The following SNX29 variants were observed in gnomAD, a reference collection of about 807,000 sequenced individuals.
The protein encoded by SNX29 is sorting nexin-29.
SNX29 carries 78 observed loss-of-function variants against 102.1 expected under a neutral mutation model. The observed-to-expected ratio is 0.76, with a 90% CI of 0.64 to 0.92. The LOEUF is 0.92. SNX29 is among the 40% of genes least tolerant of loss of function. SNX29 has a pLI of 0.00. For synonymous variants in SNX29, 580 were observed against 414.5 expected, an observed-to-expected ratio of 1.40 and a Z score of -4.85; for missense variants, 1,280 against 1,061.7, an observed-to-expected ratio of 1.21 and a Z score of -2.86.
At position 12,390,157 on chromosome 16, in the gene SNX29, T is replaced by TGTGG. The variant is rs1277880372; in HGVS notation, c.1900-8286_1900-8285insGGTG. On this transcript the variant is annotated intron_variant, in intron 16 of 20. Coordinates refer to ENST00000566228, the MANE Select transcript of SNX29 (RefSeq NM_032167.5). ...CGTGCGTGCAATTGAGGGGTGTGTG[T>TGTGG]GTGTGTGTGTGTGTGTGTGTGTGTA... Among the ~76,000 whole-genome samples, 799 of 150,916 alleles carry TGTGG rather than the reference T, an allele frequency of 5.3e-3. 9 individuals are homozygous for TGTGG. The highest frequency in any genetic ancestry group is 0.019 in the African/African-American group (770 of 41,066).
intron 3 of SNX29, among the ~76,000 whole-genome samples, chr16:12,009,812 C>G (rs1337367085): frequency 6.6e-6 from 1 of 152,188 alleles, no homozygotes. Flanking sequence ...ATATTTTGCC[C>G]TCTAGAAATA....
In SNX29 at chr16:12,524,968, C is replaced by T. The variant is rs535180903; in HGVS notation, c.2318+127C>T. 5.6e-5 allele frequency: 75 copies of T among 1,338,314 alleles called. No homozygotes were observed. The African/African-American group carries it at 9.1e-4, about 16-fold the overall frequency. The allele number at this position is 1,338,314 out of a possible 1,614,324, so 82.9% of individuals were successfully genotyped here. On this transcript the variant is annotated intron_variant, in intron 20 of 20. Transcript: ENST00000566228. ...GATCGCCATGGGACCCAGGCGAACT[C>T]CAGGGGCTGTTCCAGGTGCCAAAGT...
At chr16:12,523,545 G>A (rs2090179850) in intron 19 of SNX29, among the ~76,000 whole-genome samples, 1 of 152,232 alleles carries the variant, frequency 6.6e-6, no homozygotes, top group Admixed American at 6.5e-5. Flanking sequence ...GATTGGCTAT[G>A]GAATGTGTGG....
chr16:11,985,560 C>T (rs561079958), intron 1 of SNX29, among the ~76,000 whole-genome samples: 1 of 152,326 alleles, frequency 6.6e-6, no homozygotes, highest in African/African-American at 2.4e-5. Flanking sequence ...CACAGGCAGC[C>T]GCTCCTCCAT....
At chr16:11,988,844 T>C (rs746463183) in intron 1 of SNX29, among the ~76,000 whole-genome samples, 2 of 152,238 alleles carry the variant, frequency 1.3e-5, no homozygotes, top group Non-Finnish European at 2.9e-5. Context: ...ATTCAATTAC[T>C]GTTATCTATG....
intron 11 of SNX29, among the ~76,000 whole-genome samples, chr16:12,090,713 C>T (rs2052483549): frequency 6.6e-6 from 1 of 152,150 alleles, no homozygotes; most frequent in South Asian, 2.1e-4. Flanking sequence ...GATTTTCCTT[C>T]AAAGAGTGCC....
chr16:12,013,370 A>G (rs2056718567), intron 3 of SNX29, among the ~76,000 whole-genome samples: 1 of 149,394 alleles, frequency 6.7e-6, no homozygotes, highest in Admixed American at 6.8e-5. Context: ...GTGGCCAGGC[A>G]CGGTGGTTCA....
intron 14 of SNX29, among the ~76,000 whole-genome samples, chr16:12,264,372 G>C (rs1327814511): frequency 6.6e-6 from 1 of 152,240 alleles, no homozygotes; most frequent in Non-Finnish European, 1.5e-5. Flanking sequence ...TCCCGAGGAA[G>C]GCTTTGTTCC....
At chr16:12,087,286 T>C (rs1167690725) in intron 11 of SNX29, 1 of 158,858 alleles carries the variant, frequency 6.3e-6, no homozygotes. Flanking sequence ...TAATCCCAGC[T>C]ACTCAGGAGG....
At chr16:12,341,065 G>A (rs980598063) in intron 15 of SNX29, among the ~76,000 whole-genome samples, 2 of 152,232 alleles carry the variant, frequency 1.3e-5, no homozygotes, top group Admixed American at 6.5e-5. Context: ...ATTGATAAAG[G>A]ACCAAGAAGA....
intron 18 of SNX29, among the ~76,000 whole-genome samples, chr16:12,435,288 T>C (rs2085487010): frequency 6.6e-6 from 1 of 152,204 alleles, no homozygotes; most frequent in Non-Finnish European, 1.5e-5. Flanking sequence ...ATAAAGGCAT[T>C]TTGCAGGGAC....
At chr16:12,349,896 AACTT>A (rs2081946764) in intron 15 of SNX29, among the ~76,000 whole-genome samples, 1 of 152,212 alleles carries the variant, frequency 6.6e-6, no homozygotes, top group Non-Finnish European at 1.5e-5. Flanking sequence ...TTTTTTAAAA[AACTT>A]TCAATTCATT....
chr16:12,017,397 G>C lies in SNX29; in HGVS notation c.123-9923G>C, dbSNP rs543481129. Among the ~76,000 whole-genome samples, 5 of 152,036 alleles carry C rather than the reference G, an allele frequency of 3.3e-5. No homozygotes were observed. The South Asian group carries it at 1.0e-3, about 32-fold the overall frequency. On this transcript the variant is annotated intron_variant, in intron 3 of 20. Transcript: ENST00000566228. ...TCACCTTCTGTGCTTTTTATTTTTT[G>C]AGTTGCTTGTCTTATCCATTTGTAG...
chr16:12,542,354 AAGTT>A (rs976505900), intron 20 of SNX29, among the ~76,000 whole-genome samples: 8 of 152,188 alleles, frequency 5.3e-5, no homozygotes, highest in Admixed American at 3.3e-4. Context: ...TCAAAAGAAA[AAGTT>A]AGACCCAAGT....
chr16:12,174,822 T>G (rs765166425), intron 13 of SNX29, among the ~76,000 whole-genome samples: 19 of 152,228 alleles, frequency 1.2e-4, no homozygotes, highest in Non-Finnish European at 2.5e-4. Context: ...TCTCCCCTCC[T>G]CTTAGTAATA....
intron 14 of SNX29, among the ~76,000 whole-genome samples, chr16:12,239,088 T>C (rs566474715): frequency 7.2e-5 from 11 of 152,302 alleles, no homozygotes; most frequent in African/African-American, 2.2e-4. Context: ...GGCACCACTT[T>C]GATGGAAGGG....
chr16:12,194,663 G>T (rs2076725993), intron 13 of SNX29, among the ~76,000 whole-genome samples: 1 of 142,594 alleles, frequency 7.0e-6, no homozygotes, highest in Admixed American at 7.3e-5. Flanking sequence ...CGCAGACTCT[G>T]TCACCTAGGC....
chr16:12,254,023 AGATGCCTCCAG>A (rs761291095), intron 14 of SNX29, among the ~76,000 whole-genome samples: 6 of 152,148 alleles, frequency 3.9e-5, no homozygotes, highest in Non-Finnish European at 7.4e-5. Context: ...GAGCAGTACC[AGATGCCTCCAG>A]GGCATTGTCC....
At chr16:12,236,776 C>T (rs1391960570) in intron 14 of SNX29, among the ~76,000 whole-genome samples, 1 of 152,248 alleles carries the variant, frequency 6.6e-6, no homozygotes, top group East Asian at 1.9e-4. Flanking sequence ...AGTCTGAGCA[C>T]TCGTCACATG....
Sources: gnomAD v4.1 joint callset for allele counts (sites outside exome capture counted in the v4.1 genomes callset) on GRCh38, gnomAD v4.1.1 for gene constraint, MANE v1.5 for transcripts, NCBI Gene and HGNC (gene_info 2026-07-23, HGNC 2026-07-21) for gene names.